R3HCC1L: variants seen among roughly 807,000 people sequenced by gnomAD.
R3HCC1L encodes the protein R3H domain and coiled-coil containing 1 like, also known as coiled-coil domain-containing protein R3HCC1L.
A neutral mutation model predicts 59.9 loss-of-function variants in R3HCC1L; 51 were observed. The observed-to-expected ratio is 0.85, with a 90% CI of 0.68 to 1.07. The LOEUF is 1.07. R3HCC1L is among the 50% of genes least tolerant of loss of function. The pLI, the probability that R3HCC1L is intolerant of heterozygous loss-of-function variation, is 0.00. For missense variants in R3HCC1L, 965 were observed against 933.0 expected (o/e 1.03, Z -0.45); for synonymous variants, 322 against 315.2 (o/e 1.02, Z -0.23).
intron 6 of R3HCC1L, 31 bp from the exon 7 acceptor site, chr10:98,234,415 T>C: frequency 6.3e-7 from 1 of 1,577,468 alleles, no homozygotes; most frequent in Non-Finnish European, 8.7e-7. Flanking sequence ...AATTTTATTT[T>C]AGGAAATAAA....
chr10:98,176,353 G>T (rs1475701699), intron 4 of R3HCC1L, among the ~76,000 whole-genome samples: 1 of 152,128 alleles, frequency 6.6e-6, no homozygotes, highest in Non-Finnish European at 1.5e-5. Context: ...ATTTTGGGGA[G>T]AATTGATATC....
At chr10:98,140,806 A>G (rs1160828557) in intron 1 of R3HCC1L, among the ~76,000 whole-genome samples, 2 of 152,228 alleles carry the variant, frequency 1.3e-5, no homozygotes, top group East Asian at 3.8e-4. Context: ...AAGTCAATTT[A>G]TGTATTACCT....
At chr10:98,211,487 G>A (rs1229679850) in intron 5 of R3HCC1L, 1 of 1,158,910 alleles carries the variant, frequency 8.6e-7, no homozygotes, top group African/African-American at 1.6e-5. Context: ...GAAGCTAGGT[G>A]AATATAGAGA....
chr10:98,162,117 C>G (rs909330504), intron 2 of R3HCC1L, among the ~76,000 whole-genome samples: 11 of 150,814 alleles, frequency 7.3e-5, no homozygotes, highest in African/African-American at 2.7e-4. Flanking sequence ...TTTTTTTCAG[C>G]TCAATAATAT....
At chr10:98,196,431 C>G (rs1208204462) in intron 4 of R3HCC1L, among the ~76,000 whole-genome samples, 1 of 152,076 alleles carries the variant, frequency 6.6e-6, no homozygotes. Context: ...CAGCATTTAT[C>G]TTATTTTATT....
intron 1 of R3HCC1L, among the ~76,000 whole-genome samples, chr10:98,136,516 T>G (rs1244004134): frequency 2.0e-5 from 3 of 152,228 alleles, no homozygotes; most frequent in African/African-American, 7.2e-5. Context: ...AGCCTAAAGG[T>G]AATTTTATAT....
intron 1 of R3HCC1L, among the ~76,000 whole-genome samples, chr10:98,147,701 CA>C (rs1313698526): frequency 1.3e-5 from 2 of 152,100 alleles, no homozygotes; most frequent in African/African-American, 2.4e-5. Context: ...GTGCCTTTGT[CA>C]AAAATAAATT....
intron 5 of R3HCC1L, among the ~76,000 whole-genome samples, chr10:98,224,672 T>C (rs890580102): frequency 1.3e-5 from 2 of 152,238 alleles, no homozygotes; most frequent in Non-Finnish European, 2.9e-5. Flanking sequence ...ATATTTGTGA[T>C]TCATAACTCA....
At chr10:98,188,217 G>A (rs1437194438) in intron 4 of R3HCC1L, among the ~76,000 whole-genome samples, 1 of 152,162 alleles carries the variant, frequency 6.6e-6, no homozygotes, top group Middle Eastern at 3.2e-3. Context: ...CAGGAATGGT[G>A]CTGGGTATTG....
intron 4 of R3HCC1L, among the ~76,000 whole-genome samples, chr10:98,165,473 A>C (rs1054159433): frequency 1.3e-5 from 2 of 152,190 alleles, no homozygotes; most frequent in African/African-American, 4.8e-5. Flanking sequence ...TTAGATCCAC[A>C]ATGGCTAGGC....
intron 1 of R3HCC1L, among the ~76,000 whole-genome samples, chr10:98,138,758 A>G (rs909626623): frequency 3.3e-5 from 5 of 152,126 alleles, no homozygotes; most frequent in African/African-American, 1.2e-4. Context: ...TATGCTTTGG[A>G]GTCAAGACAG....
intron 5 of R3HCC1L, among the ~76,000 whole-genome samples, chr10:98,227,969 T>C (rs1170537150): frequency 6.6e-6 from 1 of 152,192 alleles, no homozygotes; most frequent in East Asian, 1.9e-4. Context: ...ATTTTCTTAA[T>C]CCAGTCTATC....
rs1211123152 is a variant in R3HCC1L, at chr10:98,209,138, G to A, written c.1024G>A (p.Glu342Lys). The A allele has an allele frequency of 1.2e-6, 2 of 1,613,922 alleles. No homozygotes were observed. The highest frequency in any genetic ancestry group is 1.7e-5 in the Admixed American group (1 of 59,992). Reference protein sequence around the residue: ...ECEKNDSTADELHVKHEPPDT... With the variant: ...ECEKNDSTADKLHVKHEPPDT... ...TGAGAAGAATGACAGCACTGCTGAT[G>A]AGTTACATGTAAAGCACGAACCTCC... Residue 342 changes from glutamate (E) to lysine (K), a missense_variant, in exon 5 of 10, where the codon GAG (glutamate) becomes AAG (lysine). Transcript: ENST00000298999.
chr10:98,207,894 C>T (rs1396318730), intron 4 of R3HCC1L, among the ~76,000 whole-genome samples: 1 of 152,014 alleles, frequency 6.6e-6, no homozygotes, highest in Non-Finnish European at 1.5e-5. Flanking sequence ...GGCATGGTGG[C>T]ATGTGTCTGG....
Position 98,231,699 on chromosome 10 carries a change from A to C in R3HCC1L, c.1961+12A>C, listed in dbSNP as rs182258692. On this transcript the variant is annotated intron_variant, in intron 6 of 9. Coordinates refer to ENST00000298999, the MANE Select transcript of R3HCC1L (RefSeq NM_001351015.2). ...TTCTGCAGTTATCAGTGAGTATGCAAATGATTGTGGATGTTAGGGAGGGTG... is the reference window on the plus strand; with the variant it reads ...TTCTGCAGTTATCAGTGAGTATGCACATGATTGTGGATGTTAGGGAGGGTG... 1.9e-6 allele frequency: 3 copies of C among 1,586,918 alleles called. No homozygotes were observed. The highest frequency in any genetic ancestry group is 2.6e-6 in the Non-Finnish European group (3 of 1,163,674).
At chr10:98,228,191 T>A (rs1258565408) in intron 5 of R3HCC1L, among the ~76,000 whole-genome samples, 1 of 152,204 alleles carries the variant, frequency 6.6e-6, no homozygotes, top group African/African-American at 2.4e-5. Flanking sequence ...CAGTTTATAG[T>A]CCCACCAACA....
At chr10:98,204,525 G>A (rs1852413572) in intron 4 of R3HCC1L, among the ~76,000 whole-genome samples, 1 of 152,182 alleles carries the variant, frequency 6.6e-6, no homozygotes, top group African/African-American at 2.4e-5. Context: ...CACTCCCAAT[G>A]TGAAAAGCGT....
chr10:98,178,406 C>G lies in R3HCC1L; in HGVS notation c.-15+15009C>G, dbSNP rs541332917. On this transcript the variant is annotated intron_variant, in intron 4 of 9. Coordinates refer to ENST00000298999, the MANE Select transcript of R3HCC1L (RefSeq NM_001351015.2). The stretch of plus-strand genomic sequence containing the variant: ...TGGTATTATTTCTGAGGCCTCTGTT[C>G]TGTTCCATTGGTCTATATCTCTGTT... Among the ~76,000 whole-genome samples, 11 of 152,206 alleles carry G rather than the reference C, an allele frequency of 7.2e-5. No homozygotes were observed. In the South Asian group the frequency reaches 2.1e-3, roughly 29 times the overall value.
chr10:98,197,043 G>A (rs1282781222), intron 4 of R3HCC1L, among the ~76,000 whole-genome samples: 2 of 151,960 alleles, frequency 1.3e-5, no homozygotes, highest in Non-Finnish European at 1.5e-5. Context: ...CAGCCTCCCA[G>A]GTTCAAGTGA....
Sources: gnomAD v4.1 joint callset for allele counts (sites outside exome capture counted in the v4.1 genomes callset) on GRCh38, gnomAD v4.1.1 for gene constraint, MANE v1.5 for transcripts, NCBI Gene and HGNC (gene_info 2026-07-23, HGNC 2026-07-21) for gene names.